NGEF: variants seen among roughly 807,000 people sequenced by gnomAD.
NGEF encodes neuronal guanine nucleotide exchange factor, also known as ephexin-1.
Under a neutral mutation model 80.9 loss-of-function variants are expected in NGEF, and 31 were observed. The ratio of observed to expected loss-of-function variants is 0.38; its 90% CI spans 0.29 to 0.52. NGEF has a LOEUF of 0.52. NGEF is among the 20% of genes least tolerant of loss of function. The pLI, the probability that NGEF is intolerant of heterozygous loss-of-function variation, is 0.84. For missense variants in NGEF, 709 were observed against 926.2 expected (o/e 0.77, Z 3.04); for synonymous variants, 371 against 370.2 (o/e 1.00, Z -0.03).
intron 5 of NGEF, among the ~76,000 whole-genome samples, chr2:232,905,355 C>CGGCCTCCCGATGT (rs1553547786): frequency 6.6e-6 from 1 of 152,170 alleles, no homozygotes; most frequent in Non-Finnish European, 1.5e-5. Context: ...CCGCCAGCCT[C>CGGCCTCCCGATGT]GGCCTCCCGA....
At chr2:232,990,914 A>G (rs754462747) in intron 1 of NGEF, among the ~76,000 whole-genome samples, 8 of 152,174 alleles carry the variant, frequency 5.3e-5, no homozygotes, top group Non-Finnish European at 1.2e-4. Context: ...CAGGAATGCA[A>G]GATTGGTTTA....
At position 232,920,530 on chromosome 2, in the gene NGEF, C is replaced by G; in HGVS notation, c.582G>C (p.Arg194Ser). The G allele has an allele frequency of 6.4e-7, 1 of 1,565,018 alleles. No individual in the cohort carries two copies. The highest frequency in any genetic ancestry group is 8.7e-7 in the Non-Finnish European group (1 of 1,152,678). ...CTTCTATTTCTGCATCCTGTTGCCT[C>G]CTGGTTTCGATTTCTTGGAGAGTCG... The part of the protein sequence containing the change: ...DKSTLQEIET[R>S]RQQDAEIEDN... The change falls in exon 5 of 15, where the codon AGG becomes AGC. Residue 194 changes from arginine to serine, a missense_variant. Arg to Ser is a moderately radical substitution (Grantham distance 110, BLOSUM62 -1). Transcript: ENST00000264051.
At chr2:232,976,819 C>A (rs1433820958) in intron 1 of NGEF, among the ~76,000 whole-genome samples, 1 of 152,172 alleles carries the variant, frequency 6.6e-6, no homozygotes, top group African/African-American at 2.4e-5. Flanking sequence ...TCTGGGGGAC[C>A]CAGCAATACC....
intron 3 of NGEF, among the ~76,000 whole-genome samples, chr2:232,936,935 C>T (rs1309287218): frequency 6.6e-6 from 1 of 152,144 alleles, no homozygotes; most frequent in African/African-American, 2.4e-5. Flanking sequence ...TGTCCTTTAA[C>T]TTTGCAGGTC....
chr2:232,905,224 G>A lies in NGEF; in HGVS notation c.829-10308C>T, dbSNP rs893396003. On this transcript the variant is annotated intron_variant, in intron 5 of 14. Transcript: ENST00000264051. ...CTGCCTGATTGTCCTGCCTCAGCCT[G>A]CCGAGTGCCTGCGATTGCAGGCGCG... 7.2e-5 allele frequency among the ~76,000 whole-genome samples: 11 copies of A among 152,194 alleles called. No individual in the cohort carries two copies. In the South Asian group the frequency reaches 8.3e-4, roughly 11 times the overall value.
intron 5 of NGEF, among the ~76,000 whole-genome samples, chr2:232,896,828 G>A (rs1344112883): frequency 1.6e-5 from 2 of 122,720 alleles, no homozygotes; most frequent in Non-Finnish European, 1.7e-5. Context: ...GTAAGGGTGA[G>A]GGTAGGGTTG....
chr2:232,968,144 A>G lies in NGEF; in HGVS notation c.383+2070T>C, dbSNP rs1405516318. ...GCTCTTGTTGCCCAGGCTGGAGTGC[A>G]ATGGTGTGATCTCTGCTTACCGCAA... On this transcript the variant is annotated intron_variant, in intron 3 of 14. Coordinates refer to ENST00000264051, the MANE Select transcript of NGEF (RefSeq NM_019850.3). 5.7e-5 allele frequency among the ~76,000 whole-genome samples: 8 copies of G among 141,084 alleles called. No homozygotes were observed. In the East Asian group the frequency reaches 1.7e-3, roughly 29 times the overall value. 92.6% of individuals were successfully genotyped at this position (141,084 alleles called of 152,430 possible).
At chr2:233,008,213 A>G (rs1181410388) in intron 1 of NGEF, among the ~76,000 whole-genome samples, 1 of 152,190 alleles carries the variant, frequency 6.6e-6, no homozygotes, top group Non-Finnish European at 1.5e-5. Context: ...ATCAGCTGAG[A>G]GTAGGAAATT....
At chr2:232,951,831 A>G (rs1693685314) in intron 3 of NGEF, among the ~76,000 whole-genome samples, 1 of 151,864 alleles carries the variant, frequency 6.6e-6, no homozygotes, top group South Asian at 2.1e-4. Context: ...GACATGCTCA[A>G]TGGTACTGCT....
rs34612145 is a variant in NGEF at position 232,879,479 on chromosome 2, TG to T, written c.*9del. ...GCAGGCCCTGCTCCCGCTGGCCCCC[TG>T]GGTGGGGGTCATTGCCGATTCCGGC... On this transcript the variant is annotated 3_prime_UTR_variant, in exon 15 of 15. Coordinates refer to ENST00000264051, the MANE Select transcript of NGEF (RefSeq NM_019850.3). The T allele has an allele frequency of 1.4e-6, 2 of 1,470,942 alleles. No homozygotes were observed. The highest frequency in any genetic ancestry group is 9.3e-7 in the Non-Finnish European group (1 of 1,077,342). The allele number at this position is 1,470,942 out of a possible 1,614,324, so 91.1% of individuals were successfully genotyped here. A position where few individuals can be genotyped will look rare whatever the true frequency, so the allele number is the denominator to read the frequency against.
intron 1 of NGEF, among the ~76,000 whole-genome samples, chr2:232,978,408 C>T (rs1034132021): frequency 3.9e-5 from 6 of 152,046 alleles, no homozygotes; most frequent in East Asian, 1.9e-4. Flanking sequence ...CCAGCTACTC[C>T]GGATGCTGAG....
At chr2:232,969,937 GGAGAATCGTTA>G (rs1694150952) in intron 3 of NGEF, 1 of 199,284 alleles carries the variant, frequency 5.0e-6, no homozygotes, top group Non-Finnish European at 1.0e-5. Flanking sequence ...GGCTGAGGCT[GGAGAATCGTTA>G]GAGCCCAGGA....
intron 3 of NGEF, among the ~76,000 whole-genome samples, chr2:232,943,493 C>T (rs1276012234): frequency 2.8e-5 from 4 of 140,380 alleles, no homozygotes; most frequent in African/African-American, 1.1e-4. Flanking sequence ...AGGTGGAATG[C>T]TCTACATTTT....
intron 3 of NGEF, chr2:232,927,767 C>T: frequency 3.4e-5 from 17 of 498,208 alleles, no homozygotes; most frequent in South Asian, 2.0e-4. Flanking sequence ...GGAGTAGGGG[C>T]GGCGGGGGCC....
At chr2:232,918,299 C>T (rs185812023) in intron 5 of NGEF, among the ~76,000 whole-genome samples, 198 of 152,222 alleles carry the variant, frequency 1.3e-3, no homozygotes, top group African/African-American at 4.7e-3. Context: ...TGTGGTTTTG[C>T]CATGTTGGCC....
chr2:232,937,582 T>C (rs1217292873), intron 3 of NGEF, among the ~76,000 whole-genome samples: 1 of 152,174 alleles, frequency 6.6e-6, no homozygotes, highest in African/African-American at 2.4e-5. Context: ...GAACCTGAGC[T>C]TTTTGGGGGC....
intron 5 of NGEF, 135 bp downstream of exon 5, chr2:232,920,149 A>T: frequency 2.5e-6 from 2 of 804,290 alleles, no homozygotes; most frequent in Non-Finnish European, 3.9e-6. Context: ...TGCATGTTCT[A>T]GATGGACAAC....
intron 1 of NGEF, among the ~76,000 whole-genome samples, chr2:233,011,899 T>G (rs1367937669): frequency 6.6e-6 from 1 of 152,064 alleles, no homozygotes; most frequent in Non-Finnish European, 1.5e-5. Flanking sequence ...CCCATGACAA[T>G]TTGGGCTCCA....
intron 1 of NGEF, among the ~76,000 whole-genome samples, chr2:232,976,100 C>G (rs918159887): frequency 4.8e-4 from 73 of 152,230 alleles, no homozygotes; most frequent in Admixed American, 4.1e-3. Context: ...TCTCGGGAGG[C>G]TGAGGCAGGA....
Sources: gnomAD v4.1 joint callset for allele counts (sites outside exome capture counted in the v4.1 genomes callset) on GRCh38, gnomAD v4.1.1 for gene constraint, MANE v1.5 for transcripts, NCBI Gene and HGNC (gene_info 2026-07-23, HGNC 2026-07-21) for gene names.